Variants in GADL1 observed in about 807,000 individuals in gnomAD.
GADL1 encodes GAD like acidic amino acid decarboxylase 1, also known as acidic amino acid decarboxylase GADL1.
GADL1 carries 71 observed loss-of-function variants against 69.5 expected under a neutral mutation model. The observed-to-expected ratio is 1.02, with a 90% CI of 0.84 to 1.25. The LOEUF (loss-of-function observed/expected upper bound fraction) is 1.25. Ranked by LOEUF, GADL1 falls within the 50% of genes most tolerant of loss-of-function variation. The probability of loss-of-function intolerance (pLI) is 0.00; values close to 1 mark genes in which losing one functional copy is unlikely to be tolerated. For missense variants in GADL1, 737 were observed against 631.8 expected (o/e 1.17, Z -1.79); for synonymous variants, 254 against 214.4 (o/e 1.18, Z -1.62).
intron 11 of GADL1, among the ~76,000 whole-genome samples, chr3:30,831,532 C>T (rs954287392): frequency 2.0e-5 from 3 of 151,966 alleles, no homozygotes; most frequent in East Asian, 1.9e-4. Flanking sequence ...AAAGGAGTCA[C>T]GTTTTGGGGG....
At chr3:30,744,200 GTTGT>G (rs1450244663) in intron 14 of GADL1, among the ~76,000 whole-genome samples, 3 of 152,106 alleles carry the variant, frequency 2.0e-5, no homozygotes, top group African/African-American at 4.8e-5. Flanking sequence ...CCTGGTAACT[GTTGT>G]TTGTTTGTAA....
rs1038192063 is a variant in GADL1, at chr3:30,819,199, G to A, written c.1050+14654C>T. Among the ~76,000 whole-genome samples, 28 of 123,888 alleles carry A rather than the reference G, an allele frequency of 2.3e-4. No homozygotes were observed. The East Asian group carries it at 2.3e-3, about 10-fold the overall frequency. 81.3% of individuals were successfully genotyped at this position (123,888 alleles called of 152,430 possible). On this transcript the variant is annotated intron_variant, in intron 11 of 14. Coordinates refer to ENST00000282538, the MANE Select transcript of GADL1 (RefSeq NM_207359.3). Reference sequence around the variant, plus strand: ...AGGTTCTATTCTTTCTTGGTGCCCCGGGTTTACACTTATACTTAAGAATTG... The same window carrying A: ...AGGTTCTATTCTTTCTTGGTGCCCCAGGTTTACACTTATACTTAAGAATTG...
intron 14 of GADL1, among the ~76,000 whole-genome samples, chr3:30,770,873 G>C (rs1172540117): frequency 6.6e-6 from 1 of 152,304 alleles, no homozygotes; most frequent in South Asian, 2.1e-4. Context: ...GAGGACATCT[G>C]TACTTATCTG....
chr3:30,814,116 A>G (rs1313885629), intron 11 of GADL1, among the ~76,000 whole-genome samples: 1 of 152,218 alleles, frequency 6.6e-6, no homozygotes, highest in African/African-American at 2.4e-5. Context: ...TTAATGTTAT[A>G]TTAGTTTTTC....
intron 14 of GADL1, among the ~76,000 whole-genome samples, chr3:30,754,296 T>TG (rs1269223897): frequency 2.0e-5 from 3 of 152,146 alleles, no homozygotes; most frequent in Non-Finnish European, 4.4e-5. Flanking sequence ...AAGCCTTTTG[T>TG]GGGGGAACAA....
At position 30,857,106 on chromosome 3, in the gene GADL1, C is replaced by T. The variant is rs936125546; in HGVS notation, c.246G>A (p.Gln82=). The T allele has an allele frequency of 1.9e-6, 3 of 1,550,122 alleles. No homozygotes were observed. Among genetic ancestry groups the T allele is most frequent in the South Asian group, 1.2e-5 (1 of 84,008 alleles). The change falls in exon 3 of 15, where the codon CAG becomes CAA. Residue 82 remains glutamine (Q), a synonymous_variant. Transcript: ENST00000282538. ...CEWRPPEQLK[Q]LLDLEMRDSG... ...AGTCTCTCATCTCCAAATCAAGAAGCTGTTTCAGTTGTTCAGGAGGCCTCC... is the reference window on the plus strand; with the variant it reads ...AGTCTCTCATCTCCAAATCAAGAAGTTGTTTCAGTTGTTCAGGAGGCCTCC...
At chr3:30,773,954 T>TTGGG (rs1455297200) in intron 14 of GADL1, among the ~76,000 whole-genome samples, 2 of 152,138 alleles carry the variant, frequency 1.3e-5, no homozygotes, top group East Asian at 1.9e-4. Context: ...GTCAATTTGA[T>TTGGG]TAGTGAAAGA....
At chr3:30,834,719 C>T (rs1430839189) in intron 9 of GADL1, among the ~76,000 whole-genome samples, 2 of 151,996 alleles carry the variant, frequency 1.3e-5, no homozygotes, top group African/African-American at 4.8e-5. Context: ...AGAAGGCCAA[C>T]TAGGATGAGC....
At chr3:30,775,339 TTCTC>T (rs1232578437) in intron 14 of GADL1, among the ~76,000 whole-genome samples, 1 of 152,244 alleles carries the variant, frequency 6.6e-6, no homozygotes, top group Non-Finnish European at 1.5e-5. Context: ...TGATTTGTGA[TTCTC>T]TATCCAAGAT....
intron 14 of GADL1, among the ~76,000 whole-genome samples, chr3:30,753,755 CTAAA>C (rs145287698): frequency 0.092 from 14,064 of 152,074 alleles, 1,770 homozygotes; most frequent in African/African-American, 0.29. Flanking sequence ...TGCTTTTTAA[CTAAA>C]CTTACAAATA....
chr3:30,823,453 A>G (rs1559352793), intron 11 of GADL1, among the ~76,000 whole-genome samples: 1 of 151,992 alleles, frequency 6.6e-6, no homozygotes, highest in Admixed American at 6.6e-5. Flanking sequence ...GGTACAGGCT[A>G]TACCCTGAAG....
chr3:30,787,414 C>T (rs1272128462), intron 12 of GADL1, among the ~76,000 whole-genome samples: 1 of 152,142 alleles, frequency 6.6e-6, no homozygotes, highest in African/African-American at 2.4e-5. Flanking sequence ...TGGCTTTTGT[C>T]TGTACCAAAA....
At chr3:30,853,830 G>T (rs761740850) in intron 4 of GADL1, among the ~76,000 whole-genome samples, 1 of 151,868 alleles carries the variant, frequency 6.6e-6, no homozygotes, top group Non-Finnish European at 1.5e-5. Flanking sequence ...TCTCTCACCC[G>T]ACTAAAGTAA....
At chr3:30,778,058 C>T in intron 14 of GADL1, 121 bp downstream of exon 14, 1 of 618,292 alleles carries the variant, frequency 1.6e-6, no homozygotes, top group South Asian at 2.2e-5. Flanking sequence ...TTTTAACAAA[C>T]TAGAAGACAC....
intron 11 of GADL1, among the ~76,000 whole-genome samples, chr3:30,820,804 C>A (rs1024719298): frequency 1.3e-5 from 2 of 151,754 alleles, no homozygotes; most frequent in African/African-American, 4.8e-5. Flanking sequence ...CCATTTGACC[C>A]AGCCATCCCA....
intron 11 of GADL1, among the ~76,000 whole-genome samples, chr3:30,826,365 G>C (rs1258101727): frequency 6.6e-6 from 1 of 151,878 alleles, no homozygotes; most frequent in Non-Finnish European, 1.5e-5. Flanking sequence ...GAGAAGCAAA[G>C]GTTGGCGTTC....
At chr3:30,809,904 TATTTC>T (rs1697320819) in intron 11 of GADL1, among the ~76,000 whole-genome samples, 1 of 152,228 alleles carries the variant, frequency 6.6e-6, no homozygotes, top group South Asian at 2.1e-4. Flanking sequence ...TTTTTTGTCT[TATTTC>T]AATTTAAGGA....
intron 14 of GADL1, among the ~76,000 whole-genome samples, chr3:30,757,577 T>C (rs1696007125): frequency 6.6e-6 from 1 of 152,148 alleles, no homozygotes; most frequent in African/African-American, 2.4e-5. Flanking sequence ...GGCCCATGGA[T>C]TAGTGGATTT....
intron 1 of GADL1, among the ~76,000 whole-genome samples, chr3:30,880,916 A>G (rs1419184764): frequency 1.3e-5 from 2 of 151,984 alleles, no homozygotes; most frequent in Admixed American, 6.6e-5. Flanking sequence ...AAAAAGAGTG[A>G]AACATAATTG....
Sources: allele counts gnomAD v4.1 joint callset (sites outside exome capture counted in the v4.1 genomes callset), GRCh38; gene constraint gnomAD v4.1.1; transcripts MANE v1.5; gene names NCBI Gene and HGNC (gene_info 2026-07-23, HGNC 2026-07-21).